The following FXYD2 variants were observed in gnomAD, a reference collection of about 807,000 sequenced individuals.
FXYD2 encodes the protein FXYD domain containing ion transport regulator 2, also known as sodium/potassium-transporting ATPase subunit gamma.
Under a neutral mutation model 11.8 loss-of-function variants are expected in FXYD2, and 8 were observed. The observed-to-expected ratio is 0.68, with a 90% CI of 0.40 to 1.22. FXYD2 has a LOEUF of 1.22. Ranked by LOEUF, FXYD2 falls within the 50% of genes most tolerant of loss-of-function variation. The pLI, the probability that FXYD2 is intolerant of heterozygous loss-of-function variation, is 0.01. For synonymous variants in FXYD2, 42 were observed against 33.3 expected (o/e 1.26, Z -0.90); for missense variants, 92 against 91.8 (o/e 1.00, Z -0.01).
At chr11:117,824,766 G>A (rs563129744), upstream of FXYD2, 311 of 1,539,594 alleles carry the variant, frequency 2.0e-4, 1 homozygote, top group East Asian at 1.3e-3. The surrounding 1 kb of genome is among the most constrained non-coding windows in gnomAD (Gnocchi z 4.0). Context: ...CGGGGTGGCC[G>A]GGGACGAGGT....
upstream of FXYD2, among the ~76,000 whole-genome samples, chr11:117,825,264 A>G (rs1163994839): frequency 1.3e-5 from 2 of 152,122 alleles, no homozygotes; most frequent in Non-Finnish European, 2.9e-5. Flanking sequence ...GATCCTCCAG[A>G]AGGGCCCTTC....
chr11:117,822,166 C>T lies in FXYD2; in HGVS notation c.139+240G>A. The T allele has an allele frequency of 7.0e-7, 1 of 1,422,714 alleles. No homozygotes were observed. The highest frequency in any genetic ancestry group is 9.2e-7 in the Non-Finnish European group (1 of 1,088,292). 88.1% of individuals were successfully genotyped at this position (1,422,714 alleles called of 1,614,324 possible). A position where few individuals can be genotyped will look rare whatever the true frequency, so the allele number is the denominator to read the frequency against. On this transcript the variant is annotated intron_variant, in intron 3 of 5. Transcript: ENST00000292079. This position sits in a 1 kb window ranked among gnomAD's most constrained non-coding sequence, Gnocchi z 4.7. ...TACCCAGTTACCCCGTGGGTTTGCT[C>T]TCACTTCTGCGGCTCCTCCCGGGCC...
upstream of FXYD2, among the ~76,000 whole-genome samples, chr11:117,827,780 G>A (rs2056075513): frequency 6.6e-6 from 1 of 152,216 alleles, no homozygotes; most frequent in Non-Finnish European, 1.5e-5. Context: ...TTGGACAGCT[G>A]CCTTCCCAGC....
chr11:117,822,778 A>G lies in FXYD2; in HGVS notation c.26-61T>C. ...CCGATGGTGAGCCAGCCACAGGAACAGCTGGAATTCCCTGTCCTTCCCTTC... is the reference window on the plus strand; with the variant it reads ...CCGATGGTGAGCCAGCCACAGGAACGGCTGGAATTCCCTGTCCTTCCCTTC... On this transcript the variant is annotated intron_variant, in intron 1 of 5. Transcript: ENST00000292079. The surrounding 1 kb of genome is among the most constrained non-coding windows in gnomAD (Gnocchi z 4.7). 1.3e-6 allele frequency: 2 copies of G among 1,585,148 alleles called. No individual in the cohort carries two copies. The highest frequency in any genetic ancestry group is 1.7e-6 in the Non-Finnish European group (2 of 1,168,050).
At position 117,822,283 on chromosome 11, in the gene FXYD2, G is replaced by A; in HGVS notation, c.139+123C>T. The stretch of plus-strand genomic sequence containing the variant: ...CGGGCACCCATTCCCACATCCTGCA[G>A]TGGGGGGCGTGGTGGGGAGGCTCAC... On this transcript the variant is annotated intron_variant, in intron 3 of 5. Transcript: ENST00000292079. The surrounding 1 kb of genome is among the most constrained non-coding windows in gnomAD (Gnocchi z 4.7). 6.5e-7 allele frequency: 1 copy of A among 1,542,040 alleles called. No homozygotes were observed. Among genetic ancestry groups the A allele is most frequent in the Non-Finnish European group, 8.7e-7 (1 of 1,144,776 alleles).
chr11:117,825,689 C>A (rs1357327593), upstream of FXYD2, among the ~76,000 whole-genome samples: 1 of 152,128 alleles, frequency 6.6e-6, no homozygotes, highest in African/African-American at 2.4e-5. Flanking sequence ...CCACACCTCG[C>A]AGGCAGCCTC....
intron 3 of FXYD2, chr11:117,821,870 T>G (rs2055913373): frequency 3.7e-5 from 37 of 999,938 alleles, no homozygotes; most frequent in Non-Finnish European, 4.3e-5. Context: ...TTTCTGTGTA[T>G]TTTTCTTTGG....
intron 3 of FXYD2, chr11:117,821,113 G>T: frequency 2.1e-6 from 1 of 486,560 alleles, no homozygotes; most frequent in Non-Finnish European, 3.2e-6. Context: ...CTGGAGTGCA[G>T]TGGTGGGATC....
rs1270054754 is a variant in FXYD2 at position 117,822,661 on chromosome 11, G to A, written c.64+18C>T. The A allele has an allele frequency of 4.4e-6, 7 of 1,607,780 alleles. No homozygotes were observed. The highest frequency in any genetic ancestry group is 4.0e-5 in the African/African-American group (3 of 74,838). ...GGTCCTGAGGGCTCAGGAAGGGTGC[G>A]CAGGGGCCCAGGCTTACCATAGTAG... On this transcript the variant is annotated intron_variant, in intron 2 of 5. Coordinates refer to ENST00000292079, the MANE Select transcript of FXYD2 (RefSeq NM_001680.5). This position sits in a 1 kb window ranked among gnomAD's most constrained non-coding sequence, Gnocchi z 4.7.
chr11:117,822,241 C>T lies in FXYD2; in HGVS notation c.139+165G>A, dbSNP rs559882574. ...CAGGAACCTCACACTGTGCTCCCAG[C>T]GAGCCTGGCACCCCACCGGGCACCC... On this transcript the variant is annotated intron_variant, in intron 3 of 5. Transcript: ENST00000292079. The surrounding 1 kb of genome is among the most constrained non-coding windows in gnomAD (Gnocchi z 4.7). 30 of 1,509,284 alleles carry T rather than the reference C, an allele frequency of 2.0e-5. No homozygotes were observed. The highest frequency in any genetic ancestry group is 2.2e-5 in the Non-Finnish European group (25 of 1,129,242). The allele number at this position is 1,509,284 out of a possible 1,614,324, so 93.5% of individuals were successfully genotyped here. A position where few individuals can be genotyped will look rare whatever the true frequency, so the allele number is the denominator to read the frequency against.
In FXYD2 at chr11:117,822,821, G is replaced by A; in HGVS notation, c.26-104C>T. 6.8e-7 allele frequency: 1 copy of A among 1,476,942 alleles called. No individual in the cohort carries two copies. 91.5% of individuals were successfully genotyped at this position (1,476,942 alleles called of 1,614,324 possible). On this transcript the variant is annotated intron_variant, in intron 1 of 5. Transcript: ENST00000292079. The surrounding 1 kb of genome is among the most constrained non-coding windows in gnomAD (Gnocchi z 4.7). The stretch of plus-strand genomic sequence containing the variant: ...TTCCCTTCCCAGAGGACCCTCGAGG[G>A]TCCAAGCAGGCGAGGGGAGGCTGGG...
Position 117,822,311 on chromosome 11 carries a change from C to G in FXYD2, c.139+95G>C. On this transcript the variant is annotated intron_variant, in intron 3 of 5. Coordinates refer to ENST00000292079, the MANE Select transcript of FXYD2 (RefSeq NM_001680.5). The surrounding 1 kb of genome is among the most constrained non-coding windows in gnomAD (Gnocchi z 4.7). ...GGGGGCGTGGTGGGGAGGCTCACCC[C>G]TCCCTTGGCAACTCCCGAAAGCCAG... is the stretch of plus-strand genomic sequence containing the variant. The G allele has an allele frequency of 6.5e-7, 1 of 1,547,782 alleles. No homozygotes were observed. Among genetic ancestry groups the G allele is most frequent in the Non-Finnish European group, 8.7e-7 (1 of 1,146,436 alleles).
chr11:117,824,394 C>A lies in FXYD2; in HGVS notation c.25+260G>T, dbSNP rs1244872942. On this transcript the variant is annotated intron_variant, in intron 1 of 5. Transcript: ENST00000292079. The surrounding 1 kb of genome is among the most constrained non-coding windows in gnomAD (Gnocchi z 4.0). ...TCAGGGCGGGTGTGTGCCAGGAGGC[C>A]GAGGAGGAACGCTCAGCTCTCCAGC... 1 of 592,998 alleles carries A rather than the reference C, an allele frequency of 1.7e-6. No homozygotes were observed. Among genetic ancestry groups the A allele is most frequent in the South Asian group, 1.9e-5 (1 of 52,008 alleles). The allele number at this position is 592,998 out of a possible 1,614,324, so 36.7% of individuals were successfully genotyped here.
intron 4 of FXYD2, 61 bp from the exon 5 acceptor site, chr11:117,820,757 T>G: frequency 6.2e-7 from 1 of 1,612,866 alleles, no homozygotes; most frequent in Non-Finnish European, 8.5e-7. Flanking sequence ...TCTAGGGATC[T>G]CTGAGGCTGG....
At chr11:117,823,135 C>A (rs187346693) in intron 1 of FXYD2, among the ~76,000 whole-genome samples, 276 of 152,288 alleles carry the variant, frequency 1.8e-3, no homozygotes, top group African/African-American at 6.4e-3. Flanking sequence ...AAAACAGAAC[C>A]TTAAAGTTTA....
At chr11:117,826,774 GTCTGTCTATCTA>G (rs1215629079), upstream of FXYD2, among the ~76,000 whole-genome samples, 562 of 93,270 alleles carry the variant, frequency 6.0e-3, 2 homozygotes, top group Middle Eastern at 0.026. Flanking sequence ...CTGTCTGTCT[GTCTGTCTATCTA>G]TCTATCTATC....
intron 1 of FXYD2, among the ~76,000 whole-genome samples, chr11:117,823,360 C>T (rs1222354919): frequency 6.6e-6 from 1 of 152,234 alleles, no homozygotes; most frequent in African/African-American, 2.4e-5. Flanking sequence ...CAATGTCATT[C>T]TGGTGTAATC....
At chr11:117,825,750 A>C (rs935093079), upstream of FXYD2, among the ~76,000 whole-genome samples, 5 of 152,150 alleles carry the variant, frequency 3.3e-5, no homozygotes, top group East Asian at 3.9e-4. Flanking sequence ...CCGGGTAGTC[A>C]CAGGTACTGT....
chr11:117,824,780 G>A, upstream of FXYD2: 5 of 1,446,070 alleles, frequency 3.5e-6, no homozygotes, highest in Non-Finnish European at 3.8e-6. The surrounding 1 kb of genome is among the most constrained non-coding windows in gnomAD (Gnocchi z 4.0). Context: ...ACGAGGTGCG[G>A]GCATTAAACA....
Sources: gnomAD v4.1 joint callset for allele counts (sites outside exome capture counted in the v4.1 genomes callset) on GRCh38, gnomAD v4.1.1 for gene constraint, Gnocchi (gnomAD v3.1) non-coding constraint, MANE v1.5 for transcripts, NCBI Gene and HGNC (gene_info 2026-07-23, HGNC 2026-07-21) for gene names.